Variants in MAPRE2 observed in about 807,000 individuals in gnomAD.
MAPRE2 encodes the protein microtubule associated protein RP/EB family member 2.
Under a neutral mutation model 43.2 loss-of-function variants are expected in MAPRE2, and 13 were observed. That is an observed-to-expected ratio of 0.30 (90% CI 0.20 to 0.48). The LOEUF is 0.48. MAPRE2 is among the 20% of genes least tolerant of loss of function. The pLI, the probability that MAPRE2 is intolerant of heterozygous loss-of-function variation, is 0.99. For synonymous variants in MAPRE2, 135 were observed against 148.8 expected, an observed-to-expected ratio of 0.91 and a Z score of 0.68; for missense variants, 161 against 400.2, an observed-to-expected ratio of 0.40 and a Z score of 5.10.
chr18:35,081,784 C>G (rs192873780), intron 2 of MAPRE2, among the ~76,000 whole-genome samples: 2 of 151,778 alleles, frequency 1.3e-5, no homozygotes, highest in African/African-American at 2.4e-5. Context: ...AGACGTGGAC[C>G]GTGGGTTTGC....
intron 3 of MAPRE2, among the ~76,000 whole-genome samples, chr18:35,100,262 T>TA (rs1418749649): frequency 2.0e-5 from 3 of 152,146 alleles, no homozygotes; most frequent in African/African-American, 7.2e-5. Flanking sequence ...CCATTTTCTT[T>TA]AAAAAAACAG....
In MAPRE2 at chr18:35,096,343, CTT is replaced by C. The variant is rs1233212224; in HGVS notation, c.251-1102_251-1101del. Among the ~76,000 whole-genome samples, 5 of 152,160 alleles carry C rather than the reference CTT, an allele frequency of 3.3e-5. No individual in the cohort carries two copies. The East Asian group carries it at 9.6e-4, about 29-fold the overall frequency. ...TGGTGACTTGTTCCTATTCTTGCCA[CTT>C]GGTTTTCTTTCTTGTAAAAGAAAAG... On this transcript the variant is annotated intron_variant, in intron 2 of 6. Transcript: ENST00000300249.
intron 2 of MAPRE2, among the ~76,000 whole-genome samples, chr18:35,077,423 T>G (rs181647878): frequency 3.3e-3 from 502 of 152,322 alleles, no homozygotes; most frequent in Non-Finnish European, 6.3e-3. Flanking sequence ...CAAATGCTAT[T>G]GTATCTACCC....
At chr18:34,985,845 A>ATCT (rs1303284370) in intron 1 of MAPRE2, among the ~76,000 whole-genome samples, 2 of 149,176 alleles carry the variant, frequency 1.3e-5, no homozygotes, top group Admixed American at 6.9e-5. Flanking sequence ...GAGGTAAAGT[A>ATCT]TCTTCCAGGT....
intron 1 of MAPRE2, among the ~76,000 whole-genome samples, chr18:34,997,621 G>A (rs1200812225): frequency 2.6e-5 from 4 of 152,138 alleles, no homozygotes; most frequent in Admixed American, 2.6e-4. Context: ...TTCGAGACTA[G>A]CCTGGCCAAC....
chr18:35,026,531 T>C (rs943015552), intron 2 of MAPRE2, among the ~76,000 whole-genome samples: 1 of 152,084 alleles, frequency 6.6e-6, no homozygotes, highest in African/African-American at 2.4e-5. Flanking sequence ...GTTGCTTCCA[T>C]GGCAACCCTC....
intron 2 of MAPRE2, among the ~76,000 whole-genome samples, chr18:35,091,980 G>A (rs1172028612): frequency 6.6e-6 from 1 of 152,232 alleles, no homozygotes; most frequent in African/African-American, 2.4e-5. Context: ...ATGGCAGAAG[G>A]CCAAGGGAAA....
intron 3 of MAPRE2, among the ~76,000 whole-genome samples, chr18:35,099,347 G>A (rs1354794300): frequency 6.6e-6 from 1 of 152,196 alleles, no homozygotes; most frequent in East Asian, 1.9e-4. Flanking sequence ...GAGCACAGTG[G>A]CTCACACCTG....
intron 5 of MAPRE2, among the ~76,000 whole-genome samples, chr18:35,129,605 C>T (rs1910057961): frequency 6.6e-6 from 1 of 152,194 alleles, no homozygotes; most frequent in South Asian, 2.1e-4. Flanking sequence ...GTTAGCCACC[C>T]AGAAGTGGGT....
chr18:34,980,023 CTTTTTTTCTTTTTT>C (rs1233227762), intron 1 of MAPRE2, among the ~76,000 whole-genome samples: 2 of 132,504 alleles, frequency 1.5e-5, no homozygotes, highest in African/African-American at 5.9e-5. Context: ...TTTTCTTTTT[CTTTTTTTCTTTTTT>C]TTTTTTTTTT....
At chr18:35,045,418 A>G (rs1905569748) in intron 1 of MAPRE2, among the ~76,000 whole-genome samples, 1 of 151,444 alleles carries the variant, frequency 6.6e-6, no homozygotes, top group Non-Finnish European at 1.5e-5. Context: ...GCATGCGACT[A>G]CAGTAGCACA....
intron 6 of MAPRE2, among the ~76,000 whole-genome samples, chr18:35,134,401 C>G (rs1910294776): frequency 6.6e-6 from 1 of 152,258 alleles, no homozygotes; most frequent in Non-Finnish European, 1.5e-5. Context: ...ACGTAGATTA[C>G]TGACCTTAAC....
chr18:35,059,557 G>C (rs1906413801), intron 1 of MAPRE2, among the ~76,000 whole-genome samples: 1 of 152,208 alleles, frequency 6.6e-6, no homozygotes, highest in South Asian at 2.1e-4. Flanking sequence ...TAAAGTTTCT[G>C]CCTTCATAGA....
At chr18:35,041,406 G>A (rs1300887934), upstream of MAPRE2, 1 of 1,532,474 alleles carries the variant, frequency 6.5e-7, no homozygotes, top group East Asian at 2.3e-5. Flanking sequence ...GCGCGAGCGA[G>A]AGCTGGGAGA....
chr18:35,062,746 A>G (rs544598453), intron 1 of MAPRE2, among the ~76,000 whole-genome samples: 1 of 152,356 alleles, frequency 6.6e-6, no homozygotes, highest in Admixed American at 6.5e-5. Context: ...CGATATTTCT[A>G]ACCATTACCT....
At chr18:34,985,359 A>T (rs1449947537) in intron 1 of MAPRE2, among the ~76,000 whole-genome samples, 40 of 39,646 alleles carry the variant, frequency 1.0e-3, no homozygotes, top group African/African-American at 3.9e-3. Context: ...TTATATATAT[A>T]ATATAATATA....
chr18:35,026,720 G>C (rs761699969), intron 2 of MAPRE2, among the ~76,000 whole-genome samples: 2 of 152,162 alleles, frequency 1.3e-5, no homozygotes, highest in Non-Finnish European at 2.9e-5. Context: ...CTGTGCCAAG[G>C]TGACTAGGGA....
At chr18:35,047,647 A>T (rs1009713908) in intron 1 of MAPRE2, among the ~76,000 whole-genome samples, 1 of 152,074 alleles carries the variant, frequency 6.6e-6, no homozygotes, top group Non-Finnish European at 1.5e-5. Flanking sequence ...ATGAAAATAA[A>T]TCATTAGCAA....
intron 2 of MAPRE2, among the ~76,000 whole-genome samples, chr18:35,018,899 T>C (rs546165017): frequency 5.3e-5 from 8 of 152,122 alleles, no homozygotes; most frequent in Admixed American, 5.2e-4. Flanking sequence ...TCTGCTTCCC[T>C]TTGGTATGAT....
Sources: gnomAD v4.1 joint callset for allele counts (sites outside exome capture counted in the v4.1 genomes callset) on GRCh38, gnomAD v4.1.1 for gene constraint, MANE v1.5 for transcripts, NCBI Gene and HGNC (gene_info 2026-07-23, HGNC 2026-07-21) for gene names.